The following AFF1 variants were observed in gnomAD, a reference collection of about 807,000 sequenced individuals.
AFF1 encodes AF4/FMR2 family member 1.
Under a neutral mutation model 121.7 loss-of-function variants are expected in AFF1, and 48 were observed. The ratio of observed to expected loss-of-function variants is 0.39; its 90% CI spans 0.31 to 0.50. The LOEUF is 0.50. Ranked by LOEUF, AFF1 falls within the 20% of genes least tolerant of loss-of-function variation. AFF1 has a pLI of 0.76. For synonymous variants in AFF1, 613 were observed against 563.0 expected (o/e 1.09, Z -1.26); for missense variants, 1,523 against 1,511.7 (o/e 1.01, Z -0.12).
At chr4:87,025,361 G>A (rs1330942299) in intron 2 of AFF1, among the ~76,000 whole-genome samples, 4 of 152,190 alleles carry the variant, frequency 2.6e-5, no homozygotes, top group African/African-American at 4.8e-5. Context: ...TAGAGAGGAC[G>A]AAACTAAGGC....
intron 2 of AFF1, among the ~76,000 whole-genome samples, chr4:86,973,540 G>A (rs906325041): frequency 6.6e-6 from 1 of 152,128 alleles, no homozygotes; most frequent in Non-Finnish European, 1.5e-5. Context: ...ATTTTTTAAT[G>A]TATTGAATTT....
At chr4:86,990,130 C>G (rs1165377177) in intron 2 of AFF1, among the ~76,000 whole-genome samples, 2 of 151,218 alleles carry the variant, frequency 1.3e-5, no homozygotes, top group African/African-American at 2.4e-5. Context: ...ACCTATGTAA[C>G]CTGCACGTTC....
intron 2 of AFF1, among the ~76,000 whole-genome samples, chr4:87,022,786 A>G (rs1728157886): frequency 6.6e-6 from 1 of 150,942 alleles, no homozygotes; most frequent in Admixed American, 6.6e-5. Flanking sequence ...ATATATACAT[A>G]TCACGTGTGT....
At chr4:87,127,254 G>A (rs1728370101) in intron 15 of AFF1, 137 bp downstream of exon 15, 5 of 714,508 alleles carry the variant, frequency 7.0e-6, no homozygotes, top group East Asian at 2.8e-5. Context: ...TCCACCTCCC[G>A]GGTTCAAGTG....
intron 2 of AFF1, among the ~76,000 whole-genome samples, chr4:86,975,961 G>C (rs1458509685): frequency 6.6e-6 from 1 of 152,124 alleles, no homozygotes; most frequent in Non-Finnish European, 1.5e-5. Flanking sequence ...TTTTAAAAAA[G>C]ACATTTAAAC....
intron 1 of AFF1, chr4:86,936,052 G>A (rs931556013): frequency 6.6e-6 from 1 of 152,142 alleles, no homozygotes; most frequent in Non-Finnish European, 1.5e-5. Flanking sequence ...GATACCGTCC[G>A]GCTAGTTTTC....
chr4:86,995,538 TC>T (rs1725081844), intron 2 of AFF1, among the ~76,000 whole-genome samples: 1 of 151,942 alleles, frequency 6.6e-6, no homozygotes, highest in African/African-American at 2.4e-5. Context: ...GGTCTCCAGC[TC>T]CTAACCTCGA....
At chr4:87,080,367 T>C (rs1251858929) in intron 4 of AFF1, among the ~76,000 whole-genome samples, 2 of 152,266 alleles carry the variant, frequency 1.3e-5, no homozygotes, top group Non-Finnish European at 2.9e-5. Context: ...TTGTGTTCTT[T>C]AAGGACGTTG....
intron 2 of AFF1, among the ~76,000 whole-genome samples, chr4:86,987,326 G>T (rs187909763): frequency 6.6e-6 from 1 of 152,096 alleles, no homozygotes; most frequent in East Asian, 1.9e-4. Flanking sequence ...ACCTCTGGGG[G>T]CAGGAACTTC....
intron 2 of AFF1, among the ~76,000 whole-genome samples, chr4:87,003,700 T>A (rs1725889899): frequency 6.6e-6 from 1 of 152,242 alleles, no homozygotes; most frequent in African/African-American, 2.4e-5. Context: ...AGCAATTATG[T>A]CTGATACTAA....
intron 8 of AFF1, among the ~76,000 whole-genome samples, chr4:87,099,111 T>C (rs1725164764): frequency 6.6e-6 from 1 of 152,312 alleles, no homozygotes; most frequent in South Asian, 2.1e-4. Context: ...GGAAATTAAA[T>C]TTTTCCTTGT....
chr4:86,991,076 CAGGAGGTGG>C (rs2149504835), intron 2 of AFF1, among the ~76,000 whole-genome samples: 1 of 150,874 alleles, frequency 6.6e-6, no homozygotes, highest in Non-Finnish European at 1.5e-5. Context: ...TACTTGAACC[CAGGAGGTGG>C]AGGTTGCAGT....
chr4:86,984,234 C>T (rs1175443227), intron 2 of AFF1, among the ~76,000 whole-genome samples: 2 of 151,346 alleles, frequency 1.3e-5, no homozygotes, highest in Admixed American at 6.6e-5. Flanking sequence ...GGCACAGTTT[C>T]GGCTTTCATA....
At chr4:86,949,192 TGAG>T (rs1721089219) in intron 2 of AFF1, among the ~76,000 whole-genome samples, 12 of 133,462 alleles carry the variant, frequency 9.0e-5, no homozygotes, top group Non-Finnish European at 1.5e-4. Context: ...TTTTTTTTTT[TGAG>T]ATGGAGTCTC....
intron 2 of AFF1, among the ~76,000 whole-genome samples, chr4:87,027,026 G>T (rs1728594862): frequency 6.6e-6 from 1 of 152,160 alleles, no homozygotes; most frequent in Non-Finnish European, 1.5e-5. Context: ...AATAGGACAA[G>T]AACCAGAGAA....
intron 2 of AFF1, among the ~76,000 whole-genome samples, chr4:87,028,772 A>G (rs1278467808): frequency 6.6e-6 from 1 of 152,234 alleles, no homozygotes; most frequent in Non-Finnish European, 1.5e-5. Context: ...TGCATGTGAC[A>G]GAATATAACT....
intron 2 of AFF1, among the ~76,000 whole-genome samples, chr4:86,993,085 G>A (rs1376875710): frequency 6.6e-6 from 1 of 152,184 alleles, no homozygotes; most frequent in East Asian, 1.9e-4. Context: ...AGGAAACAGA[G>A]TCCACAGCCA....
chr4:87,079,906 T>A (rs987744391), intron 4 of AFF1, among the ~76,000 whole-genome samples: 1 of 152,164 alleles, frequency 6.6e-6, no homozygotes, highest in Non-Finnish European at 1.5e-5. Context: ...ATGGGTACAT[T>A]TAGTGTAGTC....
chr4:87,038,510 A>G (rs1376151890), intron 2 of AFF1, among the ~76,000 whole-genome samples: 19 of 152,258 alleles, frequency 1.2e-4, no homozygotes, highest in African/African-American at 4.6e-4. Context: ...ATGTGGAAAC[A>G]AAAGGCCAAA....
Sources: gnomAD v4.1 joint callset for allele counts (sites outside exome capture counted in the v4.1 genomes callset) on GRCh38, gnomAD v4.1.1 for gene constraint, MANE v1.5 for transcripts, NCBI Gene and HGNC (gene_info 2026-07-23, HGNC 2026-07-21) for gene names.